Variants in ALMS1 observed in about 807,000 individuals in gnomAD.
The protein encoded by ALMS1 is ALMS1 centrosome and basal body associated protein, also known as centrosome-associated protein ALMS1.
Under a neutral mutation model 352.2 loss-of-function variants are expected in ALMS1, and 271 were observed. The ratio of observed to expected loss-of-function variants is 0.77; its 90% CI spans 0.70 to 0.85. The LOEUF (loss-of-function observed/expected upper bound fraction) is 0.85. Among genes scored for constraint, ALMS1 ranks in the 40% least tolerant of loss-of-function variants. The pLI, the probability that ALMS1 is intolerant of heterozygous loss-of-function variation, is 0.00. For missense variants in ALMS1, 5,445 were observed against 4,870.7 expected (o/e 1.12, Z -3.51); for synonymous variants, 1,865 against 1,761.2 (o/e 1.06, Z -1.48).
In ALMS1 at chr2:73,508,443, G is replaced by C. The variant is rs187325813; in HGVS notation, c.9540-11332G>C. Among the ~76,000 whole-genome samples the C allele has an allele frequency of 2.1e-3, 321 of 152,054 alleles. 1 individual carries two copies. The highest frequency in any genetic ancestry group is 7.3e-3 in the African/African-American group (304 of 41,472). On this transcript the variant is annotated intron_variant, in intron 10 of 22. Transcript: ENST00000613296. ...GATGGTCTCGATCTCCTGACCTTGT[G>C]ATCCACCCGCCTCGGCCTCCCAAAA...
chr2:73,492,072 A>G (rs1467535734), intron 10 of ALMS1, among the ~76,000 whole-genome samples: 5 of 152,178 alleles, frequency 3.3e-5, no homozygotes, highest in African/African-American at 1.2e-4. Context: ...GCCCCACCTC[A>G]TAGAGTATTG....
intron 9 of ALMS1, among the ~76,000 whole-genome samples, chr2:73,467,310 C>G (rs1390840888): frequency 6.6e-6 from 1 of 152,104 alleles, no homozygotes; most frequent in South Asian, 2.1e-4. Context: ...AAAGACTTCA[C>G]TAGGTGTCTC....
chr2:73,448,718 GCAGA>G lies in ALMS1; in HGVS notation c.2195_2198del (p.Asp732ValfsTer46). On this transcript the variant is annotated frameshift_variant, in exon 8 of 23. Coordinates refer to ENST00000613296, the MANE Select transcript of ALMS1 (RefSeq NM_001378454.1). LOFTEE classifies it high-confidence loss of function. ...TGGTATTTTTTACCAACAAGAGTTC[GCAGA>G]CAGTCATCAAACTGAAGAGACTCTT... 1 of 1,605,030 alleles carries G rather than the reference GCAGA, an allele frequency of 6.2e-7. No individual in the cohort carries two copies. The highest frequency in any genetic ancestry group is 8.5e-7 in the Non-Finnish European group (1 of 1,174,142).
intron 6 of ALMS1, among the ~76,000 whole-genome samples, chr2:73,429,014 C>G (rs937004882): frequency 6.6e-6 from 1 of 152,162 alleles, no homozygotes; most frequent in Admixed American, 6.5e-5. Flanking sequence ...AAATCCAGTT[C>G]AGTTACTTTG....
Position 73,451,437 on chromosome 2 carries a change from T to C in ALMS1, c.4910T>C (p.Leu1637Pro). ...FYRQALLDSPLNKEVVKVSAA... is the reference protein window; with the variant it reads ...FYRQALLDSPPNKEVVKVSAA... ...CGGCAGGCTCTGCTAGACAGTCCTCTAAATAAAGAGGTTGTGAAAGTTTCA... is the reference window on the plus strand; with the variant it reads ...CGGCAGGCTCTGCTAGACAGTCCTCCAAATAAAGAGGTTGTGAAAGTTTCA... The change falls in exon 8 of 23, where the codon CTA becomes CCA. Residue 1637 changes from leucine to proline, a missense_variant. Coordinates refer to ENST00000613296, the MANE Select transcript of ALMS1 (RefSeq NM_001378454.1). The C allele has an allele frequency of 1.2e-6, 2 of 1,613,880 alleles. No individual in the cohort carries two copies. Among genetic ancestry groups the C allele is most frequent in the Non-Finnish European group, 1.7e-6 (2 of 1,179,952 alleles).
chr2:73,572,571 G>T lies in ALMS1; in HGVS notation c.10694G>T (p.Ser3565Ile). Residue 3565 changes from serine (S) to isoleucine (I), a missense_variant, in exon 16 of 23, where the codon AGT (serine) becomes ATT (isoleucine). Ser to Ile is a moderately radical substitution (Grantham distance 142). Coordinates refer to ENST00000613296, the MANE Select transcript of ALMS1 (RefSeq NM_001378454.1). ...GNKEVMDTTKSQVRDYPKHNG... is the reference protein window; with the variant it reads ...GNKEVMDTTKIQVRDYPKHNG... ...AAAGAAGTGATGGATACTACTAAAA[G>T]TCAAGTTAGAGATTATCCAAAACAT... 1 of 1,613,836 alleles carries T rather than the reference G, an allele frequency of 6.2e-7. No homozygotes were observed. Among genetic ancestry groups the T allele is most frequent in the Non-Finnish European group, 8.5e-7 (1 of 1,179,972 alleles).
At chr2:73,582,527 C>G (rs1465055767) in intron 16 of ALMS1, among the ~76,000 whole-genome samples, 4 of 152,098 alleles carry the variant, frequency 2.6e-5, no homozygotes, top group Admixed American at 2.0e-4. Flanking sequence ...CAACAACTGC[C>G]CTTGTCCCCG....
intron 15 of ALMS1, among the ~76,000 whole-genome samples, chr2:73,560,253 A>G (rs1159669971): frequency 6.6e-6 from 1 of 152,212 alleles, no homozygotes. Context: ...ACTTGAATAG[A>G]CAATAGAAGA....
At position 73,490,426 on chromosome 2, in the gene ALMS1, G is replaced by GGC; in HGVS notation, c.8467_8468insGC (p.Glu2823GlyfsTer33). ...ATCAGATTTTACAGGCAGTCATTCT[G>GGC]AGCCCAGTACCAGGGCAAATTGTAG... On this transcript the variant is annotated frameshift_variant, in exon 10 of 23. Transcript: ENST00000613296. LOFTEE classifies it high-confidence loss of function. 6.2e-7 allele frequency: 1 copy of GGC among 1,614,132 alleles called. No individual in the cohort carries two copies. The highest frequency in any genetic ancestry group is 8.5e-7 in the Non-Finnish European group (1 of 1,180,036).
At chr2:73,525,280 T>C (rs746591974) in intron 11 of ALMS1, among the ~76,000 whole-genome samples, 4 of 152,198 alleles carry the variant, frequency 2.6e-5, no homozygotes, top group African/African-American at 7.2e-5. Context: ...TTTATTTTGG[T>C]TATATACCTA....
At chr2:73,539,704 T>C (rs2104003133) in intron 12 of ALMS1, among the ~76,000 whole-genome samples, 1 of 152,182 alleles carries the variant, frequency 6.6e-6, no homozygotes, top group East Asian at 1.9e-4. Flanking sequence ...CTGAAAACCA[T>C]GGCAAGAGAA....
intron 15 of ALMS1, 32 bp downstream of exon 15, chr2:73,559,174 T>C: frequency 6.2e-7 from 1 of 1,602,688 alleles, no homozygotes; most frequent in Non-Finnish European, 8.5e-7. Flanking sequence ...TGAGTGTGTG[T>C]GTCTTTGTGT....
chr2:73,456,365 T>A (rs1486867951), intron 9 of ALMS1, among the ~76,000 whole-genome samples: 2 of 152,200 alleles, frequency 1.3e-5, no homozygotes, highest in Non-Finnish European at 2.9e-5. Flanking sequence ...AGTGTGTGAT[T>A]ACATGATAAT....
chr2:73,412,523 C>T (rs946405032), intron 2 of ALMS1, among the ~76,000 whole-genome samples: 1 of 152,148 alleles, frequency 6.6e-6, no homozygotes, highest in African/African-American at 2.4e-5. Context: ...GACGTGGTGG[C>T]TCACGCCTGT....
intron 7 of ALMS1, among the ~76,000 whole-genome samples, chr2:73,445,659 G>A (rs1671797984): frequency 1.3e-5 from 2 of 151,988 alleles, no homozygotes; most frequent in African/African-American, 4.8e-5. Flanking sequence ...GAAGCCTTCT[G>A]TGTTACTAAG....
At chr2:73,531,458 G>T (rs1673908390) in intron 11 of ALMS1, among the ~76,000 whole-genome samples, 1 of 152,146 alleles carries the variant, frequency 6.6e-6, no homozygotes, top group Non-Finnish European at 1.5e-5. Context: ...CCTCAACCTG[G>T]ACTTCATTGT....
In ALMS1 at chr2:73,424,455, AC is replaced by A; in HGVS notation, c.791del (p.Thr264MetfsTer21). The A allele has an allele frequency of 1.3e-6, 2 of 1,597,172 alleles. No individual in the cohort carries two copies. The highest frequency in any genetic ancestry group is 1.7e-6 in the Non-Finnish European group (2 of 1,174,074). Reference sequence around the variant, plus strand: ...GGGAATTCCTGATAAGTCTGAAGATACTGAATGGTCTTCTCGACCATCGGAA... The same window carrying A: ...GGGAATTCCTGATAAGTCTGAAGATATGAATGGTCTTCTCGACCATCGGAA... ...LRGIPDKSED[T>X]EWSSRPSEVS... is the part of the protein sequence containing the mutation. On this transcript the variant is annotated frameshift_variant, in exon 5 of 23. Transcript: ENST00000613296. LOFTEE classifies it high-confidence loss of function.
chr2:73,389,268 C>T (rs573813326), intron 1 of ALMS1, among the ~76,000 whole-genome samples: 1 of 151,964 alleles, frequency 6.6e-6, no homozygotes, highest in African/African-American at 2.4e-5. Context: ...GTCTTTTGCC[C>T]GCTTTTTAGT....
chr2:73,576,264 T>G (rs1009052693), intron 16 of ALMS1, among the ~76,000 whole-genome samples: 10 of 152,222 alleles, frequency 6.6e-5, no homozygotes, highest in Non-Finnish European at 8.8e-5. Context: ...TGTAACTTAG[T>G]TCTTTTTTCA....
Sources: gnomAD v4.1 joint callset for allele counts (sites outside exome capture counted in the v4.1 genomes callset) on GRCh38, gnomAD v4.1.1 for gene constraint, MANE v1.5 for transcripts, NCBI Gene and HGNC (gene_info 2026-07-23, HGNC 2026-07-21) for gene names.